MED27: variants seen among roughly 807,000 people sequenced by gnomAD.
MED27 encodes the protein mediator complex subunit 27, also known as mediator of RNA polymerase II transcription subunit 27.
A neutral mutation model predicts 38.2 loss-of-function variants in MED27; 30 were observed. The observed-to-expected ratio is 0.79, with a 90% CI of 0.59 to 1.07. The LOEUF (loss-of-function observed/expected upper bound fraction) is 1.07, where lower values mean the gene tolerates loss of function less well. Ranked by LOEUF, MED27 falls within the 50% of genes least tolerant of loss-of-function variation. MED27 has a pLI of 0.00. For synonymous variants in MED27, 122 were observed against 153.5 expected, an observed-to-expected ratio of 0.79 and a Z score of 1.52; for missense variants, 289 against 397.5, an observed-to-expected ratio of 0.73 and a Z score of 2.32.
intron 2 of MED27, among the ~76,000 whole-genome samples, chr9:132,036,629 T>C (rs1025013024): frequency 2.6e-5 from 4 of 152,222 alleles, no homozygotes; most frequent in African/African-American, 9.6e-5. Flanking sequence ...GGCAAGTGAT[T>C]TAACCTCTCT....
chr9:131,933,039 TGAA>T (rs1830617786), intron 4 of MED27, among the ~76,000 whole-genome samples: 1 of 152,070 alleles, frequency 6.6e-6, no homozygotes, highest in African/African-American at 2.4e-5. Context: ...CAATTGATAC[TGAA>T]AAAACATTTG....
At chr9:131,989,025 C>G (rs1279298725) in intron 3 of MED27, among the ~76,000 whole-genome samples, 1 of 152,104 alleles carries the variant, frequency 6.6e-6, no homozygotes, top group Non-Finnish European at 1.5e-5. Context: ...TGGCTTGCTG[C>G]ACCTACCAAC....
chr9:131,956,290 A>G (rs891889068), intron 3 of MED27, among the ~76,000 whole-genome samples: 1 of 152,224 alleles, frequency 6.6e-6, no homozygotes, highest in African/African-American at 2.4e-5. Flanking sequence ...AGTTACAGTT[A>G]GTGGGCACAG....
intron 3 of MED27, among the ~76,000 whole-genome samples, chr9:131,954,811 TA>T (rs948987898): frequency 7.2e-5 from 11 of 152,206 alleles, no homozygotes; most frequent in African/African-American, 1.9e-4. Flanking sequence ...GAATTATTAT[TA>T]TTTTTTTAAA....
intron 2 of MED27, among the ~76,000 whole-genome samples, chr9:132,015,174 A>AT (rs1208198865): frequency 6.6e-6 from 1 of 152,268 alleles, no homozygotes; most frequent in East Asian, 1.9e-4. Context: ...AATATCAATC[A>AT]TAAGAACAAG....
At chr9:131,864,326 AC>A (rs1838700316) in intron 6 of MED27, among the ~76,000 whole-genome samples, 4 of 152,102 alleles carry the variant, frequency 2.6e-5, no homozygotes, top group Admixed American at 2.6e-4. Context: ...TATAGAAAAT[AC>A]AAAAAATTAG....
At chr9:132,014,545 T>C (rs1358964728) in intron 2 of MED27, 78 bp from the exon 3 acceptor site, 1 of 1,421,736 alleles carries the variant, frequency 7.0e-7, no homozygotes, top group East Asian at 2.5e-5. Flanking sequence ...AAACTAGCAA[T>C]GCTTGATAAT....
intron 2 of MED27, among the ~76,000 whole-genome samples, chr9:132,041,447 A>G (rs957072204): frequency 2.6e-5 from 4 of 152,236 alleles, no homozygotes; most frequent in African/African-American, 9.6e-5. Flanking sequence ...ATGTAGGGGT[A>G]GCACCAAATG....
At chr9:131,882,886 C>A (rs976700581) in intron 6 of MED27, among the ~76,000 whole-genome samples, 2 of 151,550 alleles carry the variant, frequency 1.3e-5, no homozygotes, top group African/African-American at 4.9e-5. Context: ...GTGCCTGGCA[C>A]AGAGCAAAGG....
rs1170278448 is a variant in MED27 at position 131,883,537 on chromosome 9, G to C, written c.723+521C>G. Among the ~76,000 whole-genome samples, 1 of 152,154 alleles carries C rather than the reference G, an allele frequency of 6.6e-6. No homozygotes were observed. The highest frequency in any genetic ancestry group is 1.5e-5 in the Non-Finnish European group (1 of 68,028). ...TACAGTGTCCCCAGAGCACAAAGTG[G>C]GGAAGGGGCAGGGTGAGGGAGTGCC... is the stretch of plus-strand genomic sequence containing the variant. On this transcript the variant is annotated intron_variant, in intron 6 of 7. Coordinates refer to ENST00000292035, the MANE Select transcript of MED27 (RefSeq NM_004269.4). The surrounding 1 kb of genome is among the most constrained non-coding windows in gnomAD (Gnocchi z 4.2).
intron 6 of MED27, among the ~76,000 whole-genome samples, chr9:131,865,308 A>G (rs1026661867): frequency 2.6e-5 from 4 of 152,194 alleles, no homozygotes; most frequent in Admixed American, 2.6e-4. Flanking sequence ...AGTAGTAATG[A>G]TAACTTTGCA....
intron 6 of MED27, among the ~76,000 whole-genome samples, chr9:131,882,803 A>G (rs73548899): frequency 0.011 from 1,722 of 152,248 alleles, 31 homozygotes; most frequent in African/African-American, 0.039. Flanking sequence ...CACAGCCCCC[A>G]GTTAATCACC....
chr9:132,046,939 T>C (rs1460562982), intron 2 of MED27, among the ~76,000 whole-genome samples: 1 of 152,104 alleles, frequency 6.6e-6, no homozygotes, highest in Non-Finnish European at 1.5e-5. Flanking sequence ...AAGAAAAGTA[T>C]AAGAGAGATT....
chr9:131,882,344 C>A (rs1839062913), intron 6 of MED27, among the ~76,000 whole-genome samples: 1 of 152,180 alleles, frequency 6.6e-6, no homozygotes, highest in Non-Finnish European at 1.5e-5. Context: ...ACCAGATTTT[C>A]TTGTGGGGTA....
rs536660899 is a variant in MED27, at chr9:131,952,013, G to A, written c.480-12539C>T. 2.0e-5 allele frequency among the ~76,000 whole-genome samples: 3 copies of A among 152,338 alleles called. No homozygotes were observed. The East Asian group carries it at 5.8e-4, about 29-fold the overall frequency. The stretch of plus-strand genomic sequence containing the variant: ...CTGAAATGACCTAGTCAGGAAGTGA[G>A]CTGGAGTAAATGGATCTGGCTTCTA... On this transcript the variant is annotated intron_variant, in intron 3 of 7. Coordinates refer to ENST00000292035, the MANE Select transcript of MED27 (RefSeq NM_004269.4).
chr9:132,023,662 C>A (rs940248470), intron 2 of MED27, among the ~76,000 whole-genome samples: 3 of 152,104 alleles, frequency 2.0e-5, no homozygotes, highest in Admixed American at 1.3e-4. Context: ...TCCCCTTACT[C>A]CCTGCTTACT....
chr9:131,862,177 C>G lies in MED27; in HGVS notation c.801+886G>C, dbSNP rs556636648. Among the ~76,000 whole-genome samples the G allele has an allele frequency of 6.6e-6, 1 of 152,160 alleles. No individual in the cohort carries two copies. ...TGTCTTCTGAGGAATGAACTCCAGG[C>G]TCTCTGAGCAGTGGCACTGTTGATG... On this transcript the variant is annotated intron_variant, in intron 7 of 7. Coordinates refer to ENST00000292035, the MANE Select transcript of MED27 (RefSeq NM_004269.4). This position sits in a 1 kb window ranked among gnomAD's most constrained non-coding sequence, Gnocchi z 4.6.
intron 2 of MED27, among the ~76,000 whole-genome samples, chr9:132,038,958 C>T (rs1242332195): frequency 2.6e-5 from 4 of 152,146 alleles, no homozygotes; most frequent in South Asian, 2.1e-4. Context: ...GGCAGCAGAG[C>T]GGAGAAGCCA....
intron 3 of MED27, among the ~76,000 whole-genome samples, chr9:131,973,345 G>A (rs1831523343): frequency 6.6e-6 from 1 of 152,156 alleles, no homozygotes; most frequent in Non-Finnish European, 1.5e-5. Flanking sequence ...CAATGACTGG[G>A]ATGCCAACAG....
Sources: allele counts gnomAD v4.1 joint callset (sites outside exome capture counted in the v4.1 genomes callset), GRCh38; gene constraint gnomAD v4.1.1; non-coding constraint Gnocchi (gnomAD v3.1); transcripts MANE v1.5; gene names NCBI Gene and HGNC (gene_info 2026-07-23, HGNC 2026-07-21).